ADCK5: variants seen among roughly 807,000 people sequenced by gnomAD.
The protein encoded by ADCK5 is uncharacterized aarF domain-containing protein kinase 5.
A neutral mutation model predicts 64.9 loss-of-function variants in ADCK5; 43 were observed. That is an observed-to-expected ratio of 0.66 (90% CI 0.52 to 0.85). The LOEUF is 0.85. Among genes scored for constraint, ADCK5 ranks in the 40% least tolerant of loss-of-function variants. ADCK5 has a pLI of 0.00. For synonymous variants in ADCK5, 434 were observed against 342.8 expected (o/e 1.27, Z -2.94); for missense variants, 760 against 810.5 (o/e 0.94, Z 0.76).
At chr8:144,375,484 G>A (rs1819325795) in intron 1 of ADCK5, 1 of 985,362 alleles carries the variant, frequency 1.0e-6, no homozygotes, top group African/African-American at 1.7e-5. Flanking sequence ...ATCATTCTGA[G>A]ACTCGGCAGT....
In ADCK5 at chr8:144,390,944, T is replaced by C; in HGVS notation, c.431T>C (p.Leu144Pro). 6.2e-7 allele frequency: 1 copy of C among 1,613,020 alleles called. No individual in the cohort carries two copies. Among genetic ancestry groups the C allele is most frequent in the Non-Finnish European group, 8.5e-7 (1 of 1,179,962 alleles). ...LVAGAISNGG[L>P]YVKLGQGLCS... Reference sequence around the variant, plus strand: ...GCAGGGGCCATCAGCAACGGGGGCCTCTACGTGAAGCTGGGCCAGGGGCTG... The same window carrying C: ...GCAGGGGCCATCAGCAACGGGGGCCCCTACGTGAAGCTGGGCCAGGGGCTG... Residue 144 changes from leucine (L) to proline (P), a missense_variant, in exon 5 of 15, where the codon CTC (leucine) becomes CCC (proline). This residue lies in a region of ADCK5 where 427 missense variants were observed against 518.4 expected (regional missense o/e 0.82). Transcript: ENST00000308860.
rs1554860185 is a variant in ADCK5, at chr8:144,390,657, A to C, written c.267-14A>C. The C allele has an allele frequency of 6.2e-7, 1 of 1,612,402 alleles. No individual in the cohort carries two copies. Among genetic ancestry groups the C allele is most frequent in the African/African-American group, 1.3e-5 (1 of 74,896 alleles). On this transcript the variant is annotated splice_polypyrimidine_tract_variant and intron_variant, in intron 3 of 14. Coordinates refer to ENST00000308860, the MANE Select transcript of ADCK5 (RefSeq NM_174922.5). ...GCCTGCCCCGCTGGAGACTGAGGCC[A>C]CCTCTGCCCGCAGGTCTCTGAAGGT...
upstream of ADCK5, chr8:144,373,991 G>T: frequency 2.5e-6 from 3 of 1,195,822 alleles, no homozygotes; most frequent in Non-Finnish European, 3.2e-6. Flanking sequence ...ACGGGGCGGG[G>T]CTCTGGCTCC....
rs2130682227 is a variant in ADCK5 at position 144,376,457 on chromosome 8, G to A, written c.12+2350G>A. Among the ~76,000 whole-genome samples, 1 of 152,304 alleles carries A rather than the reference G, an allele frequency of 6.6e-6. No homozygotes were observed. Among genetic ancestry groups the A allele is most frequent in the South Asian group, 2.1e-4 (1 of 4,828 alleles). ...ACCAGGGTAGGGTGATGGTGGCCCG[G>A]GGTCTACTGGAGGGATCTCTGTCCT... On this transcript the variant is annotated intron_variant, in intron 1 of 14. Coordinates refer to ENST00000308860, the MANE Select transcript of ADCK5 (RefSeq NM_174922.5). The surrounding 1 kb of genome is among the most constrained non-coding windows in gnomAD (Gnocchi z 5.1).
At position 144,392,552 on chromosome 8, in the gene ADCK5, G is replaced by T; in HGVS notation, c.1375G>T (p.Ala459Ser). The T allele has an allele frequency of 6.4e-7, 1 of 1,565,112 alleles. No homozygotes were observed. Residue 459 changes from alanine to serine, a missense_variant, in exon 13 of 15, where the codon GCC (alanine) becomes TCC (serine). Ala to Ser is a moderately conservative substitution (Grantham distance 99, BLOSUM62 1). Coordinates refer to ENST00000308860, the MANE Select transcript of ADCK5 (RefSeq NM_174922.5). The part of the protein sequence containing the change: ...REEAAYMVDM[A>S]RERFEAVMAV... ...AGAGGCGGCCTACATGGTGGACATG[G>T]CCCGCGAGCGCTTCGAGGCCGTCAT...
At chr8:144,391,900 G>A (rs1820256575) in intron 9 of ADCK5, 34 bp downstream of exon 9, 1 of 1,609,884 alleles carries the variant, frequency 6.2e-7, no homozygotes, top group Non-Finnish European at 8.5e-7. Flanking sequence ...GGTCAGGGCG[G>A]GCTGGTGCTG....
intron 3 of ADCK5, among the ~76,000 whole-genome samples, chr8:144,383,433 G>A (rs1341477614): frequency 1.3e-5 from 2 of 152,172 alleles, no homozygotes; most frequent in African/African-American, 4.8e-5. Context: ...GAGCACTGGC[G>A]GGGCCTATAG....
In ADCK5 at chr8:144,392,966, C is replaced by T; in HGVS notation, c.1638-3C>T. The T allele has an allele frequency of 1.3e-6, 2 of 1,584,870 alleles. No homozygotes were observed. Among genetic ancestry groups the T allele is most frequent in the South Asian group, 1.1e-5 (1 of 87,782 alleles). On this transcript the variant is annotated splice_region_variant and splice_polypyrimidine_tract_variant and intron_variant, in intron 14 of 14. Coordinates refer to ENST00000308860, the MANE Select transcript of ADCK5 (RefSeq NM_174922.5). Reference sequence around the variant, plus strand: ...CCTGTGACCTGTGACCTGACCCACGCAGGCTGGAGACCTTGGCCATGCGGC... The same window carrying T: ...CCTGTGACCTGTGACCTGACCCACGTAGGCTGGAGACCTTGGCCATGCGGC...
chr8:144,383,286 G>A, intron 3 of ADCK5, 56 bp downstream of exon 3: 2 of 1,482,012 alleles, frequency 1.3e-6, no homozygotes, highest in Non-Finnish European at 1.8e-6. Flanking sequence ...GGTGTGTGCG[G>A]TGCAGGATTG....
chr8:144,383,367 CA>C, intron 3 of ADCK5, 137 bp downstream of exon 3: 1 of 1,304,732 alleles, frequency 7.7e-7, no homozygotes, highest in Non-Finnish European at 1.0e-6. Flanking sequence ...GAGGATTTTA[CA>C]GCTGCTTTTC....
chr8:144,391,432 T>G lies in ADCK5; in HGVS notation c.756T>G (p.Val252=), dbSNP rs781904875. ...CCCTGGAGCTCCTGCTGCGGCTCGT[T>G]GAGGTCATGCACCCCAGCTTTGGCT... ...IHTLELLLRL[V]EVMHPSFGFS... is the part of the protein sequence containing the mutation. The change falls in exon 7 of 15, where the codon GTT becomes GTG. Residue 252 remains valine (V), a synonymous_variant. Transcript: ENST00000308860. 5 of 1,612,686 alleles carry G rather than the reference T, an allele frequency of 3.1e-6. No homozygotes were observed. In the Admixed American group the frequency reaches 8.3e-5, roughly 27 times the overall value.
chr8:144,374,165 G>A (rs1387380782), intron 1 of ADCK5, 58 bp downstream of exon 1: 4 of 1,245,232 alleles, frequency 3.2e-6, no homozygotes, highest in Non-Finnish European at 4.1e-6. Context: ...CCAGAGACCC[G>A]AGACCCGCAA....
chr8:144,390,222 G>A (rs1820146520), intron 3 of ADCK5, among the ~76,000 whole-genome samples: 1 of 152,008 alleles, frequency 6.6e-6, no homozygotes, highest in Non-Finnish European at 1.5e-5. Context: ...CACCTCCTAG[G>A]CTCAAACGAT....
intron 2 of ADCK5, among the ~76,000 whole-genome samples, chr8:144,382,028 A>T (rs1455919110): frequency 8.3e-6 from 1 of 120,844 alleles, no homozygotes; most frequent in Non-Finnish European, 1.7e-5. Flanking sequence ...GGGTGTAGAA[A>T]CAGATGTGTG....
At chr8:144,390,149 C>T (rs560014845) in intron 3 of ADCK5, among the ~76,000 whole-genome samples, 2 of 152,130 alleles carry the variant, frequency 1.3e-5, no homozygotes, top group South Asian at 2.1e-4. Context: ...CTTTTTTGGA[C>T]GGAGTCTCGC....
chr8:144,374,145 C>G, intron 1 of ADCK5, 38 bp downstream of exon 1: 1 of 1,248,178 alleles, frequency 8.0e-7, no homozygotes, highest in East Asian at 3.1e-5. Flanking sequence ...CGAGATCCTG[C>G]ACACCAGCCC....
At chr8:144,377,281 GGT>G (rs1819402950) in intron 1 of ADCK5, 1 of 152,164 alleles carries the variant, frequency 6.6e-6, no homozygotes, top group Admixed American at 6.6e-5. Flanking sequence ...AGTTCTATGT[GGT>G]GTTTTCATAG....
At chr8:144,381,991 CCCCT>C (rs1819679849) in intron 2 of ADCK5, among the ~76,000 whole-genome samples, 1 of 134,222 alleles carries the variant, frequency 7.5e-6, no homozygotes, top group Non-Finnish European at 1.6e-5. Context: ...TGTGCTCAGG[CCCCT>C]GCTGCACTCA....
Position 144,379,431 on chromosome 8 carries a change from G to A in ADCK5, c.57G>A (p.Gln19=). Reference sequence around the variant, plus strand: ...ACTCTGCTCTGCTGCACAGCAGGCAGAAGCCCTGGCCGTCCCCTGCTGTGT... The same window carrying A: ...ACTCTGCTCTGCTGCACAGCAGGCAAAAGCCCTGGCCGTCCCCTGCTGTGT... The part of the protein sequence containing the change: ...HFHSALLHSR[Q]KPWPSPAVFF... The change falls in exon 2 of 15, where the codon CAG becomes CAA. Residue 19 remains glutamine, a synonymous_variant. Transcript: ENST00000308860. The A allele has an allele frequency of 6.2e-7, 1 of 1,610,556 alleles. No homozygotes were observed. The highest frequency in any genetic ancestry group is 1.3e-5 in the African/African-American group (1 of 74,932).
Sources: allele counts gnomAD v4.1 joint callset (sites outside exome capture counted in the v4.1 genomes callset), GRCh38; gene constraint gnomAD v4.1.1; regional missense constraint gnomAD v4.1.1; non-coding constraint Gnocchi (gnomAD v3.1); transcripts MANE v1.5; gene names NCBI Gene and HGNC (gene_info 2026-07-23, HGNC 2026-07-21).